Variants in ANKRD36 observed in about 807,000 individuals in gnomAD.
The protein encoded by ANKRD36 is ankyrin repeat domain-containing protein 36A.
A neutral mutation model predicts 278.1 loss-of-function variants in ANKRD36; 179 were observed. The ratio of observed to expected loss-of-function variants is 0.64; its 90% confidence interval spans 0.57 to 0.73. The LOEUF is 0.73. Ranked by LOEUF, ANKRD36 falls within the 30% of genes least tolerant of loss-of-function variation. The pLI, the probability that ANKRD36 is intolerant of heterozygous loss-of-function variation, is 0.00. For missense variants in ANKRD36, 1,159 were observed against 1,956.7 expected, an observed-to-expected ratio of 0.59 and a Z score of 7.69; for synonymous variants, 320 against 641.1, an observed-to-expected ratio of 0.50 and a Z score of 7.57.
intron 42 of ANKRD36, 102 bp downstream of exon 42, chr2:97,196,890 G>A: frequency 8.0e-6 from 12 of 1,494,386 alleles, no homozygotes; most frequent in South Asian, 1.3e-5. Context: ...TGCACTTTCT[G>A]ATTCAGCAGG....
At chr2:97,187,116 G>C in intron 30 of ANKRD36, 82 bp from the exon 31 acceptor site, 1 of 1,587,126 alleles carries the variant, frequency 6.3e-7, no homozygotes, top group Non-Finnish European at 8.5e-7. Context: ...GGCGGATACA[G>C]CTTGATGCTA....
chr2:97,202,159 C>T, intron 46 of ANKRD36, 43 bp from the exon 47 acceptor site: 1 of 1,606,600 alleles, frequency 6.2e-7, no homozygotes, highest in Non-Finnish European at 8.5e-7. Context: ...AAATCTTTGT[C>T]ATATTTACGT....
At chr2:97,194,484 A>G (rs1281883267) in intron 38 of ANKRD36, among the ~76,000 whole-genome samples, 1 of 151,532 alleles carries the variant, frequency 6.6e-6, no homozygotes, top group African/African-American at 2.4e-5. Flanking sequence ...GTTTTATTTT[A>G]GCTTTCGACA....
intron 22 of ANKRD36, among the ~76,000 whole-genome samples, chr2:97,177,755 A>T (rs1048518340): frequency 6.6e-6 from 1 of 151,920 alleles, no homozygotes; most frequent in Non-Finnish European, 1.5e-5. Context: ...ACCATTCAGG[A>T]CATAGGCATG....
chr2:97,218,960 G>T, intron 64 of ANKRD36, 90 bp from the exon 65 acceptor site: 1 of 1,504,854 alleles, frequency 6.6e-7, no homozygotes. Flanking sequence ...ACAGGCAAGA[G>T]TATTCAGTTT....
intron 12 of ANKRD36, among the ~76,000 whole-genome samples, chr2:97,150,297 A>T (rs1268576770): frequency 6.6e-6 from 1 of 151,878 alleles, no homozygotes; most frequent in Non-Finnish European, 1.5e-5. Context: ...GGGTCTTTGT[A>T]TGGCATTCTA....
At chr2:97,162,514 AT>A (rs2153492747) in intron 18 of ANKRD36, among the ~76,000 whole-genome samples, 1 of 147,672 alleles carries the variant, frequency 6.8e-6, no homozygotes, top group Admixed American at 6.7e-5. Context: ...TTACAAAAAA[AT>A]GTGAGGTGGG....
At chr2:97,208,962 G>A (rs868428944) in intron 54 of ANKRD36, among the ~76,000 whole-genome samples, 4 of 146,698 alleles carry the variant, frequency 2.7e-5, no homozygotes, top group South Asian at 2.1e-4. Context: ...CTTTGTAGAC[G>A]TATGTCAAAG....
chr2:97,177,475 C>T (rs1208690174), intron 22 of ANKRD36, among the ~76,000 whole-genome samples: 1 of 151,960 alleles, frequency 6.6e-6, no homozygotes, highest in East Asian at 1.9e-4. Context: ...GGTACCAAAA[C>T]AGAGCTATAG....
intron 67 of ANKRD36, among the ~76,000 whole-genome samples, chr2:97,230,016 C>G (rs1226396584): frequency 6.6e-6 from 1 of 152,130 alleles, no homozygotes; most frequent in Non-Finnish European, 1.5e-5. Flanking sequence ...CACTGTTAGT[C>G]TGATGGGCTT....
At chr2:97,199,929 A>G (rs2060856609) in intron 44 of ANKRD36, among the ~76,000 whole-genome samples, 1 of 151,894 alleles carries the variant, frequency 6.6e-6, no homozygotes, top group Admixed American at 6.6e-5. Flanking sequence ...TTTGCAGTAT[A>G]ATGGTGTAAA....
chr2:97,179,580 C>T (rs2055505645), intron 22 of ANKRD36, among the ~76,000 whole-genome samples, 158 bp from the exon 23 acceptor site: 2 of 151,542 alleles, frequency 1.3e-5, no homozygotes, highest in Admixed American at 1.3e-4. Flanking sequence ...GTATTTCCTT[C>T]ATGTTTAGTC....
At chr2:97,179,370 G>A (rs796849028) in intron 22 of ANKRD36, among the ~76,000 whole-genome samples, 3 of 151,564 alleles carry the variant, frequency 2.0e-5, no homozygotes, top group African/African-American at 4.8e-5. Context: ...ATGCGGATGC[G>A]TGTATCACCT....
chr2:97,168,727 G>C (rs1374625465), intron 22 of ANKRD36, among the ~76,000 whole-genome samples: 1 of 152,304 alleles, frequency 6.6e-6, no homozygotes, highest in African/African-American at 2.4e-5. Context: ...CTTTTCCTGT[G>C]TTAGTTTGCT....
intron 24 of ANKRD36, 52 bp downstream of exon 24, chr2:97,179,985 C>T (rs1373794249): frequency 3.1e-6 from 5 of 1,598,754 alleles, no homozygotes; most frequent in Non-Finnish European, 4.2e-6. Flanking sequence ...TGGAAGAGAA[C>T]TTCCCTTACC....
rs1233635697 is a variant in ANKRD36 at position 97,175,038 on chromosome 2, T to C, written c.1634-4700T>C. Among the ~76,000 whole-genome samples, 27 of 146,374 alleles carry C rather than the reference T, an allele frequency of 1.8e-4. No homozygotes were observed. The South Asian group carries it at 5.5e-3, about 30-fold the overall frequency. The stretch of plus-strand genomic sequence containing the variant: ...CTGGATTCGTTTTGCCAGTATTTTA[T>C]TGAGGATTTTTGCATCAATGTTCAT... On this transcript the variant is annotated intron_variant, in intron 22 of 75. Transcript: ENST00000420699.
rs574297942 is a variant in ANKRD36 at position 97,207,928 on chromosome 2, A to G, written c.3193-6A>G. On this transcript the variant is annotated splice_polypyrimidine_tract_variant and splice_region_variant and intron_variant, in intron 53 of 75. Coordinates refer to ENST00000420699, the MANE Select transcript of ANKRD36 (RefSeq NM_001354587.1). Reference sequence around the variant, plus strand: ...AATTTATTATTTCATTTGAAATTCCATTCAGGCTACAAGTGCCGAGAAAGA... The same window carrying G: ...AATTTATTATTTCATTTGAAATTCCGTTCAGGCTACAAGTGCCGAGAAAGA... 1.4e-5 allele frequency: 22 copies of G among 1,530,878 alleles called. 1 individual carries two copies. In the African/African-American group the frequency reaches 2.6e-4, roughly 18 times the overall value. 94.8% of individuals were successfully genotyped at this position (1,530,878 alleles called of 1,614,324 possible).
chr2:97,141,822 A>C (rs1247846255), intron 6 of ANKRD36, among the ~76,000 whole-genome samples: 5 of 152,030 alleles, frequency 3.3e-5, no homozygotes, highest in Non-Finnish European at 7.4e-5. Context: ...TCATTAATTG[A>C]TTAATAAAAT....
At chr2:97,213,029 C>T in intron 58 of ANKRD36, 1 of 462,886 alleles carries the variant, frequency 2.2e-6, no homozygotes, top group South Asian at 2.3e-5. Flanking sequence ...GGTGTAAATC[C>T]TTCTGATTTC....
Sources: allele counts gnomAD v4.1 joint callset (sites outside exome capture counted in the v4.1 genomes callset), GRCh38; gene constraint gnomAD v4.1.1; transcripts MANE v1.5; gene names NCBI Gene and HGNC (gene_info 2026-07-23, HGNC 2026-07-21).